The following FAM228B variants were observed in gnomAD, a reference collection of about 807,000 sequenced individuals.
FAM228B encodes the protein family with sequence similarity 228 member B.
In FAM228B, 38 loss-of-function variants were observed where a neutral mutation model predicts 42.6. The ratio of observed to expected loss-of-function variants is 0.89; its 90% confidence interval spans 0.69 to 1.17. The LOEUF is 1.17. Among genes scored for constraint, FAM228B ranks in the 50% most tolerant of loss-of-function variants. FAM228B has a pLI of 0.00. For missense variants in FAM228B, 344 were observed against 367.3 expected (o/e 0.94, Z 0.52); for synonymous variants, 109 against 122.3 (o/e 0.89, Z 0.72).
intron 3 of FAM228B, 68 bp downstream of exon 3, chr2:24,135,255 A>G: frequency 3.5e-6 from 3 of 852,062 alleles, no homozygotes; most frequent in Non-Finnish European, 5.4e-6. Flanking sequence ...TATATGTAGC[A>G]TATTCTATAA....
intron 2 of FAM228B, among the ~76,000 whole-genome samples, chr2:24,091,364 C>G (rs540142722): frequency 1.3e-5 from 2 of 151,770 alleles, no homozygotes; most frequent in Non-Finnish European, 2.9e-5. Flanking sequence ...ACCCGGGAGG[C>G]GGAGCTTGCA....
At chr2:24,120,785 C>G (rs1466257811), upstream of FAM228B, among the ~76,000 whole-genome samples, 1 of 152,080 alleles carries the variant, frequency 6.6e-6, no homozygotes, top group East Asian at 1.9e-4. Context: ...GAACTCCTGA[C>G]CTCAGCCTCC....
At chr2:24,129,306 C>CTTTTTTTTTTTTTT (rs57641483) in intron 2 of FAM228B, among the ~76,000 whole-genome samples, 1 of 139,434 alleles carries the variant, frequency 7.2e-6, no homozygotes, top group Non-Finnish European at 1.6e-5. Context: ...TCTATTTTAT[C>CTTTTTTTTTTTTTT]TTTTTTTTTT....
chr2:24,097,108 G>A (rs927336016), intron 3 of FAM228B: 1 of 152,048 alleles, frequency 6.6e-6, no homozygotes, highest in African/African-American at 2.4e-5. Context: ...CCTGCCTTAC[G>A]AGAGCTCCTA....
chr2:24,163,920 A>G (rs1667338113), intron 8 of FAM228B, among the ~76,000 whole-genome samples: 1 of 152,136 alleles, frequency 6.6e-6, no homozygotes. Flanking sequence ...CTTCTCAGGG[A>G]GGGCAAACTG....
Position 24,138,042 on chromosome 2 carries a change from A to T in FAM228B, c.302A>T (p.Lys101Met). 6.5e-7 allele frequency: 1 copy of T among 1,545,822 alleles called. No homozygotes were observed. The highest frequency in any genetic ancestry group is 8.7e-7 in the Non-Finnish European group (1 of 1,145,756). The stretch of plus-strand genomic sequence containing the variant: ...ATAGAAAAAGTTTGCTCACATAAGA[A>T]GATTAAAAAAAGGAGGCAAGGGGAA... The part of the protein sequence containing the change: ...KIIEKVCSHK[K>M]IKKRRQGELD... Residue 101 changes from lysine to methionine, a missense_variant, in exon 4 of 11, where the codon AAG (lysine) becomes ATG (methionine). Transcript: ENST00000615575.
At chr2:24,116,387 T>G (rs1264757358) in intron 3 of FAM228B, among the ~76,000 whole-genome samples, 2 of 152,152 alleles carry the variant, frequency 1.3e-5, no homozygotes, top group Non-Finnish European at 2.9e-5. Context: ...AGATGGGGTC[T>G]CACTATGTTG....
Position 24,146,957 on chromosome 2 carries a change from A to T in FAM228B, c.557A>T (p.Lys186Ile). The T allele has an allele frequency of 6.4e-7, 1 of 1,551,454 alleles. No homozygotes were observed. Among genetic ancestry groups the T allele is most frequent in the Non-Finnish European group, 8.7e-7 (1 of 1,146,830 alleles). The part of the protein sequence containing the change: ...TGKIYSIKEF[K>I]EVEKVQLHSR... The stretch of plus-strand genomic sequence containing the variant: ...AAAATATATTCAATAAAGGAATTCA[A>T]AGAAGTTGAGAAGGTTCAGCTGCAT... The change falls in exon 7 of 11, where the codon AAA becomes ATA. Residue 186 changes from lysine to isoleucine, a missense_variant. Lys to Ile is a moderately radical substitution (Grantham distance 102). Transcript: ENST00000615575.
chr2:24,155,312 G>A (rs920086534), intron 7 of FAM228B, among the ~76,000 whole-genome samples: 64 of 151,594 alleles, frequency 4.2e-4, no homozygotes, highest in African/African-American at 1.5e-3. Context: ...ATTAATGACT[G>A]GTGGTCATTA....
chr2:24,135,726 G>A (rs747303449), intron 3 of FAM228B, among the ~76,000 whole-genome samples: 6 of 152,044 alleles, frequency 3.9e-5, no homozygotes, highest in Non-Finnish European at 7.4e-5. Context: ...GGAGGGACTC[G>A]GCCTAGCAGA....
At chr2:24,129,397 C>G (rs1312983183) in intron 2 of FAM228B, among the ~76,000 whole-genome samples, 2 of 151,378 alleles carry the variant, frequency 1.3e-5, no homozygotes, top group Non-Finnish European at 2.9e-5. Flanking sequence ...CTCATCCAGA[C>G]ATTATTTTTT....
intron 2 of FAM228B, among the ~76,000 whole-genome samples, chr2:24,090,223 G>A (rs767225808): frequency 1.3e-5 from 2 of 152,026 alleles, no homozygotes; most frequent in Non-Finnish European, 2.9e-5. Flanking sequence ...AGCCGAGATT[G>A]CGCCACTGCA....
rs1377940872 is a variant in FAM228B, at chr2:24,164,426, A to G, written c.932+91A>G. ...CACCTGGGAACTTTCTTTGTATGGC[A>G]GGCTTCCAGGAAGAGAGGAGGCAGT... On this transcript the variant is annotated intron_variant, in intron 9 of 10. Transcript: ENST00000615575. The G allele has an allele frequency of 1.9e-5, 26 of 1,366,382 alleles. No individual in the cohort carries two copies. In the Admixed American group the frequency reaches 6.0e-4, roughly 32 times the overall value. 84.6% of individuals were successfully genotyped at this position (1,366,382 alleles called of 1,614,324 possible).
intron 3 of FAM228B, among the ~76,000 whole-genome samples, chr2:24,102,946 A>G (rs1224788666): frequency 6.6e-6 from 1 of 152,174 alleles, no homozygotes; most frequent in African/African-American, 2.4e-5. Flanking sequence ...CCTTGTAACA[A>G]TCATTTTGCT....
At chr2:24,147,119 T>G in intron 7 of FAM228B, 33 bp downstream of exon 7, 1 of 1,413,828 alleles carries the variant, frequency 7.1e-7, no homozygotes, top group Non-Finnish European at 9.5e-7. Context: ...TTATAGAACC[T>G]TTTGGACTTT....
chr2:24,119,008 G>A (rs1573750128), upstream of FAM228B, among the ~76,000 whole-genome samples: 1 of 152,166 alleles, frequency 6.6e-6, no homozygotes, highest in East Asian at 1.9e-4. Flanking sequence ...ACCCAAGCTA[G>A]TTCTCTATGA....
chr2:24,089,719 A>G (rs1665343397), intron 2 of FAM228B, among the ~76,000 whole-genome samples: 2 of 152,238 alleles, frequency 1.3e-5, no homozygotes, highest in Admixed American at 6.5e-5. Flanking sequence ...TGTTTTTGTA[A>G]GCTGTTGTTG....
At position 24,077,681 on chromosome 2, in the gene FAM228B, C is replaced by G. The variant is rs1178839909; in HGVS notation, c.-290+712C>G. 1.2e-5 allele frequency: 20 copies of G among 1,613,938 alleles called. No homozygotes were observed. The highest frequency in any genetic ancestry group is 2.2e-5 in the East Asian group (1 of 44,888). On this transcript the variant is annotated intron_variant, in intron 1 of 10. Transcript: ENST00000613899. The surrounding 1 kb of genome is among the most constrained non-coding windows in gnomAD (Gnocchi z 5.5). ...TCACTGGGTAGATTCTGTCCAGAACCGGCAGCAGACGTTGGGGGCCCTCCG... is the reference window on the plus strand; with the variant it reads ...TCACTGGGTAGATTCTGTCCAGAACGGGCAGCAGACGTTGGGGGCCCTCCG...
rs1233821254 is a variant in FAM228B at position 24,167,649 on chromosome 2, C to T, written c.955C>T (p.Leu319=). 1 of 1,551,680 alleles carries T rather than the reference C, an allele frequency of 6.4e-7. No homozygotes were observed. Among genetic ancestry groups the T allele is most frequent in the Non-Finnish European group, 8.7e-7 (1 of 1,146,908 alleles). ...QDGSPSPRLG[L]LKLEL ...AAGGTCTCCCTCCCCGCGTTTGGGG[C>T]TGCTGAAGCTGGAGCTATAAGAAAG... Residue 319 remains leucine (L), a synonymous_variant, in exon 10 of 11, where the codon CTG becomes TTG. Coordinates refer to ENST00000615575, the MANE Select transcript of FAM228B (RefSeq NM_001145710.2).
Sources: gnomAD v4.1 joint callset for allele counts (sites outside exome capture counted in the v4.1 genomes callset) on GRCh38, gnomAD v4.1.1 for gene constraint, Gnocchi (gnomAD v3.1) non-coding constraint, MANE v1.5 for transcripts, NCBI Gene and HGNC (gene_info 2026-07-23, HGNC 2026-07-21) for gene names.